LRRC20: variants seen among roughly 807,000 people sequenced by gnomAD.
The protein encoded by LRRC20 is leucine rich repeat containing 20.
A neutral mutation model predicts 14.4 loss-of-function variants in LRRC20; 11 were observed. The observed-to-expected ratio is 0.77, with a 90% CI of 0.48 to 1.27. The LOEUF (loss-of-function observed/expected upper bound fraction) is 1.27. LRRC20 is among the 50% of genes most tolerant of loss of function. LRRC20 has a pLI of 0.00. For synonymous variants in LRRC20, 121 were observed against 107.3 expected (o/e 1.13, Z -0.79); for missense variants, 219 against 251.2 (o/e 0.87, Z 0.87).
intron 2 of LRRC20, 145 bp downstream of exon 2, chr10:70,376,307 C>T (rs1013028398): frequency 3.7e-6 from 3 of 805,736 alleles, no homozygotes; most frequent in Admixed American, 2.2e-5. Context: ...ACAAATTACA[C>T]ACTGTTGCAA....
At chr10:70,343,395 G>A (rs1842980821) in intron 2 of LRRC20, among the ~76,000 whole-genome samples, 1 of 152,158 alleles carries the variant, frequency 6.6e-6, no homozygotes, top group South Asian at 2.1e-4. Flanking sequence ...ATGACTGAGG[G>A]TCCACAGGGC....
intron 2 of LRRC20, among the ~76,000 whole-genome samples, chr10:70,349,750 G>C (rs920574579): frequency 6.6e-6 from 1 of 150,660 alleles, no homozygotes; most frequent in African/African-American, 2.5e-5. Flanking sequence ...ATTGTCCATG[G>C]TCATTGTGGT....
intron 2 of LRRC20, among the ~76,000 whole-genome samples, chr10:70,368,343 C>T (rs1033331131): frequency 6.6e-6 from 1 of 150,952 alleles, no homozygotes; most frequent in Admixed American, 6.6e-5. Flanking sequence ...ATTTTTAGTA[C>T]AGATGGGGTT....
intron 4 of LRRC20, among the ~76,000 whole-genome samples, chr10:70,309,416 G>C (rs1841556670): frequency 6.6e-6 from 1 of 152,126 alleles, no homozygotes; most frequent in South Asian, 2.1e-4. Context: ...AGGCAGGACA[G>C]TTCCTGATCC....
chr10:70,338,931 G>A (rs1253726480), intron 3 of LRRC20, among the ~76,000 whole-genome samples: 1 of 152,236 alleles, frequency 6.6e-6, no homozygotes, highest in Non-Finnish European at 1.5e-5. Flanking sequence ...AAAGTGCTGG[G>A]ATTACAGGCG....
chr10:70,329,793 G>A (rs1197094892), intron 3 of LRRC20, among the ~76,000 whole-genome samples: 1 of 152,058 alleles, frequency 6.6e-6, no homozygotes, highest in Non-Finnish European at 1.5e-5. Flanking sequence ...TCGAACTCCC[G>A]AGCTCAGGCA....
intron 3 of LRRC20, among the ~76,000 whole-genome samples, chr10:70,337,948 C>T (rs555089953): frequency 3.3e-4 from 50 of 152,100 alleles, no homozygotes; most frequent in Non-Finnish European, 6.6e-4. Context: ...TCTGAGGGCC[C>T]GGACAGCCCC....
intron 3 of LRRC20, among the ~76,000 whole-genome samples, chr10:70,333,680 CT>C (rs945225603): frequency 6.6e-6 from 1 of 152,168 alleles, no homozygotes; most frequent in African/African-American, 2.4e-5. Context: ...GTGGGGCACC[CT>C]TGAGGACTGA....
At chr10:70,311,466 C>A (rs981149050) in intron 4 of LRRC20, among the ~76,000 whole-genome samples, 1 of 152,092 alleles carries the variant, frequency 6.6e-6, no homozygotes, top group Non-Finnish European at 1.5e-5. Flanking sequence ...AAGTGATCCA[C>A]CTGCCTCGGC....
chr10:70,363,665 C>A (rs887190500), intron 2 of LRRC20, among the ~76,000 whole-genome samples: 1 of 152,182 alleles, frequency 6.6e-6, no homozygotes, highest in African/African-American at 2.4e-5. Context: ...CAGAGAAGTG[C>A]CCACCCAGGG....
chr10:70,328,182 T>C (rs570232446), intron 3 of LRRC20, among the ~76,000 whole-genome samples: 1 of 152,298 alleles, frequency 6.6e-6, no homozygotes, highest in East Asian at 1.9e-4. Context: ...GCTACACAAG[T>C]CACATATTTA....
At chr10:70,309,405 G>A (rs1322522121) in intron 4 of LRRC20, among the ~76,000 whole-genome samples, 1 of 152,168 alleles carries the variant, frequency 6.6e-6, no homozygotes, top group Non-Finnish European at 1.5e-5. Flanking sequence ...GTAAGTGGTG[G>A]AGGCAGGACA....
intron 3 of LRRC20, among the ~76,000 whole-genome samples, chr10:70,330,067 AT>A (rs1842477919): frequency 6.6e-6 from 1 of 151,958 alleles, no homozygotes; most frequent in East Asian, 1.9e-4. Context: ...TTTCTTTCAC[AT>A]TTTTTATACT....
In LRRC20 at chr10:70,323,990, G is replaced by A. The variant is rs1388874354; in HGVS notation, c.273C>T (p.Ser91=). 7.4e-6 allele frequency: 12 copies of A among 1,613,582 alleles called. No individual in the cohort carries two copies. Among genetic ancestry groups the A allele is most frequent in the Middle Eastern group, 1.6e-4 (1 of 6,082 alleles). The part of the protein sequence containing the change: ...LEGNFLHRLP[S]EVSALQHLKA... ...TGAGGTGCTGCAGGGCACTGACCTC[G>A]CTGGGGAGGCGGTGTAGGAAGTTCC... The change falls in exon 4 of 5, where the codon AGC becomes AGT. Residue 91 remains serine (S), a synonymous_variant. Transcript: ENST00000446961.
rs556539897 is a variant in LRRC20 at position 70,309,183 on chromosome 10, T to A, written c.401-7675A>T. On this transcript the variant is annotated intron_variant, in intron 4 of 4. Transcript: ENST00000446961. Reference sequence around the variant, plus strand: ...GTAAGAAAGACCCCTCGCACTTGGCTTTTATTTCATGGGGCATCAAACTCC... The same window carrying A: ...GTAAGAAAGACCCCTCGCACTTGGCATTTATTTCATGGGGCATCAAACTCC... 4.3e-4 allele frequency among the ~76,000 whole-genome samples: 66 copies of A among 152,256 alleles called. 1 individual carries two copies. The highest frequency in any genetic ancestry group is 3.4e-3 in the Middle Eastern group (1 of 294).
At chr10:70,312,865 G>C (rs530051440) in intron 4 of LRRC20, among the ~76,000 whole-genome samples, 2 of 152,292 alleles carry the variant, frequency 1.3e-5, no homozygotes, top group East Asian at 3.9e-4. Flanking sequence ...CAATAGGATG[G>C]GAAGCACGGG....
chr10:70,309,371 T>C (rs1430542403), intron 4 of LRRC20, among the ~76,000 whole-genome samples: 1 of 152,204 alleles, frequency 6.6e-6, no homozygotes, highest in Non-Finnish European at 1.5e-5. Flanking sequence ...TCTCAGTTTC[T>C]TGATGCCCAA....
intron 4 of LRRC20, among the ~76,000 whole-genome samples, chr10:70,305,452 T>C (rs949971333): frequency 9.2e-5 from 14 of 152,230 alleles, no homozygotes; most frequent in African/African-American, 3.4e-4. Flanking sequence ...GGTTCCCTTG[T>C]GCCCCTTTCC....
chr10:70,372,108 G>A (rs1180532790), intron 2 of LRRC20, among the ~76,000 whole-genome samples: 1 of 147,366 alleles, frequency 6.8e-6, no homozygotes, highest in African/African-American at 2.6e-5. Flanking sequence ...AGCCAGGGAA[G>A]CCTATGTCTC....
Sources: allele counts gnomAD v4.1 joint callset (sites outside exome capture counted in the v4.1 genomes callset), GRCh38; gene constraint gnomAD v4.1.1; transcripts MANE v1.5; gene names NCBI Gene and HGNC (gene_info 2026-07-23, HGNC 2026-07-21).